Variants in GLT1D1 observed in about 807,000 individuals in gnomAD.
The protein encoded by GLT1D1 is glycosyltransferase 1 domain containing 1.
A neutral mutation model predicts 28.7 loss-of-function variants in GLT1D1; 21 were observed. The ratio of observed to expected loss-of-function variants is 0.73; its 90% CI spans 0.52 to 1.05. The LOEUF (loss-of-function observed/expected upper bound fraction) is 1.05. Ranked by LOEUF, GLT1D1 falls within the 50% of genes least tolerant of loss-of-function variation. The pLI is 0.00. For synonymous variants in GLT1D1, 147 were observed against 124.8 expected, an observed-to-expected ratio of 1.18 and a Z score of -1.19; for missense variants, 343 against 330.6, an observed-to-expected ratio of 1.04 and a Z score of -0.29.
At chr12:128,930,963 T>C (rs1030921711) in intron 4 of GLT1D1, among the ~76,000 whole-genome samples, 5 of 152,142 alleles carry the variant, frequency 3.3e-5, no homozygotes, top group Admixed American at 3.3e-4. Context: ...GAAATGTTTT[T>C]CACCTCCCGG....
In GLT1D1 at chr12:128,862,795, G is replaced by A. The variant is rs563070528; in HGVS notation, c.68+9146G>A. ...AGCCGCTCAACCACAGACAGCTTGC[G>A]CACATCAGCTCGATGCTAAGCATTG... On this transcript the variant is annotated intron_variant, in intron 1 of 7. Transcript: ENST00000281703. 1.0e-3 allele frequency among the ~76,000 whole-genome samples: 159 copies of A among 152,338 alleles called. 1 individual carries two copies. Among genetic ancestry groups the A allele is most frequent in the African/African-American group, 3.4e-3 (142 of 41,564 alleles).
intron 4 of GLT1D1, chr12:128,944,410 C>T (rs1424356236): frequency 1.6e-6 from 2 of 1,275,474 alleles, no homozygotes; most frequent in East Asian, 2.4e-5. Flanking sequence ...CCAGGACTGG[C>T]TTTGTTTGGC....
intron 7 of GLT1D1, among the ~76,000 whole-genome samples, chr12:128,973,179 GTTTTT>G (rs61169176): frequency 3.5e-4 from 18 of 50,986 alleles, no homozygotes; most frequent in Non-Finnish European, 6.0e-4. Flanking sequence ...TGTTTGCTTG[GTTTTT>G]TTTTTTTTTT....
At chr12:128,975,176 C>T (rs1336902744) in intron 7 of GLT1D1, among the ~76,000 whole-genome samples, 2 of 152,168 alleles carry the variant, frequency 1.3e-5, no homozygotes, top group Non-Finnish European at 2.9e-5. Flanking sequence ...AGCACGGAGC[C>T]TCCCTGGCTC....
chr12:128,869,829 C>T (rs1956637915), intron 1 of GLT1D1, among the ~76,000 whole-genome samples: 2 of 152,124 alleles, frequency 1.3e-5, no homozygotes, highest in Admixed American at 1.3e-4. Context: ...TTGAATTTCA[C>T]CTGATCTCAA....
Position 128,857,059 on chromosome 12 carries a change from G to C in GLT1D1, c.68+3410G>C, listed in dbSNP as rs562392184. Reference sequence around the variant, plus strand: ...TTCAGGCAAAAAGGAAATATTACCTGTTATTTAATATTTTGCTCCTAACTT... The same window carrying C: ...TTCAGGCAAAAAGGAAATATTACCTCTTATTTAATATTTTGCTCCTAACTT... On this transcript the variant is annotated intron_variant, in intron 1 of 7. Transcript: ENST00000281703. Among the ~76,000 whole-genome samples, 14 of 152,310 alleles carry C rather than the reference G, an allele frequency of 9.2e-5. No homozygotes were observed. The South Asian group carries it at 1.9e-3, about 20-fold the overall frequency.
chr12:128,920,055 A>C (rs1277242350), intron 4 of GLT1D1, among the ~76,000 whole-genome samples: 1 of 150,960 alleles, frequency 6.6e-6, no homozygotes, highest in Non-Finnish European at 1.5e-5. Flanking sequence ...GGAAACTCAA[A>C]TTTGCCTAAC....
chr12:128,969,986 C>T (rs1427418490), intron 7 of GLT1D1, among the ~76,000 whole-genome samples: 1 of 152,194 alleles, frequency 6.6e-6, no homozygotes, highest in African/African-American at 2.4e-5. Flanking sequence ...GTGTGCGCTT[C>T]CTGGAGGCCT....
intron 4 of GLT1D1, among the ~76,000 whole-genome samples, chr12:128,936,519 C>T (rs1353139504): frequency 1.3e-5 from 2 of 152,160 alleles, no homozygotes; most frequent in Admixed American, 6.6e-5. Flanking sequence ...GTTTTAGCTG[C>T]AGGATGGTTT....
chr12:128,897,499 C>T (rs1869776254), intron 3 of GLT1D1, among the ~76,000 whole-genome samples: 1 of 152,074 alleles, frequency 6.6e-6, no homozygotes. Flanking sequence ...GAAAACCTTT[C>T]CCAGGCTGAG....
chr12:128,876,598 G>T (rs1341715234), intron 2 of GLT1D1, among the ~76,000 whole-genome samples: 1 of 152,106 alleles, frequency 6.6e-6, no homozygotes, highest in Non-Finnish European at 1.5e-5. Flanking sequence ...TTGCAGGCAT[G>T]AGCCTGGCCC....
chr12:128,914,398 G>A (rs960168581), intron 4 of GLT1D1, among the ~76,000 whole-genome samples: 8 of 152,154 alleles, frequency 5.3e-5, no homozygotes, highest in African/African-American at 1.4e-4. Flanking sequence ...AAAGGGGTGC[G>A]TCTTTTCTCA....
chr12:128,983,287 G>T lies in GLT1D1; in HGVS notation c.*197G>T. ...TTCTGTGCGTTCAGATGCTGTCCCA[G>T]GCGTGTTCACCAGCCAGTCCTGATG... On this transcript the variant is annotated 3_prime_UTR_variant, in exon 8 of 8. Transcript: ENST00000281703. The surrounding 1 kb of genome is among the most constrained non-coding windows in gnomAD (Gnocchi z 4.7). 1 of 564,162 alleles carries T rather than the reference G, an allele frequency of 1.8e-6. No homozygotes were observed. The highest frequency in any genetic ancestry group is 2.3e-5 in the South Asian group (1 of 43,880). The allele number at this position is 564,162 out of a possible 1,614,324, so 34.9% of individuals were successfully genotyped here. A position where few individuals can be genotyped will look rare whatever the true frequency, so the allele number is the denominator to read the frequency against.
intron 4 of GLT1D1, among the ~76,000 whole-genome samples, chr12:128,941,895 C>G (rs1345050335): frequency 1.7e-4 from 23 of 132,042 alleles, no homozygotes; most frequent in African/African-American, 6.1e-4. Context: ...CCTGGTCTCT[C>G]TCTCTCTCTC....
chr12:128,964,459 T>G (rs1878263482), intron 7 of GLT1D1, among the ~76,000 whole-genome samples: 1 of 152,220 alleles, frequency 6.6e-6, no homozygotes, highest in South Asian at 2.1e-4. Flanking sequence ...TGCCGTCCCC[T>G]TGGGGGTGAG....
chr12:128,954,889 T>G (rs68143657), intron 6 of GLT1D1, among the ~76,000 whole-genome samples: 18,660 of 152,182 alleles, frequency 0.12, 1,342 homozygotes, highest in South Asian at 0.18. Context: ...AGGAGGTGAA[T>G]GTTGCAGTGA....
chr12:128,923,287 A>G (rs373995262), intron 4 of GLT1D1, among the ~76,000 whole-genome samples: 5 of 152,232 alleles, frequency 3.3e-5, no homozygotes, highest in African/African-American at 9.6e-5. Context: ...TTTATGGCCA[A>G]TTATACAGGT....
At chr12:128,954,997 T>C (rs1471906362) in intron 6 of GLT1D1, among the ~76,000 whole-genome samples, 1 of 152,146 alleles carries the variant, frequency 6.6e-6, no homozygotes, top group African/African-American at 2.4e-5. Context: ...AAAAAGGTTA[T>C]TTAATCTTCC....
At chr12:128,927,577 A>G (rs1004583289) in intron 4 of GLT1D1, among the ~76,000 whole-genome samples, 1 of 152,046 alleles carries the variant, frequency 6.6e-6, no homozygotes, top group Non-Finnish European at 1.5e-5. Flanking sequence ...TCCTCTTTTT[A>G]AGTAAATGAA....
Sources: gnomAD v4.1 joint callset for allele counts (sites outside exome capture counted in the v4.1 genomes callset) on GRCh38, gnomAD v4.1.1 for gene constraint, Gnocchi (gnomAD v3.1) non-coding constraint, MANE v1.5 for transcripts, NCBI Gene and HGNC (gene_info 2026-07-23, HGNC 2026-07-21) for gene names.